Variants in NAALADL2 observed in about 807,000 individuals in gnomAD.
The protein encoded by NAALADL2 is N-acetylated alpha-linked acidic dipeptidase like 2, also known as inactive N-acetylated-alpha-linked acidic dipeptidase-like protein 2.
A neutral mutation model predicts 87.2 loss-of-function variants in NAALADL2; 76 were observed. The observed-to-expected ratio is 0.87, with a 90% CI of 0.72 to 1.05. The LOEUF is 1.05. Ranked by LOEUF, NAALADL2 falls within the 50% of genes least tolerant of loss-of-function variation. The probability of loss-of-function intolerance (pLI) is 0.00; values close to 1 mark genes in which losing one functional copy is unlikely to be tolerated. For synonymous variants in NAALADL2, 354 were observed against 331.0 expected (o/e 1.07, Z -0.75); for missense variants, 1,089 against 945.8 (o/e 1.15, Z -1.99).
At chr3:174,686,015 C>T (rs1560143950) in intron 2 of NAALADL2, among the ~76,000 whole-genome samples, 2 of 152,034 alleles carry the variant, frequency 1.3e-5, no homozygotes, top group African/African-American at 4.8e-5. Context: ...TTTTTCATGG[C>T]TGTATAGTAT....
In NAALADL2 at chr3:175,699,080, T is replaced by A. The variant is rs891250892; in HGVS notation, c.1897-38226T>A. ...ACTTTTCCTTTACATATTTAATTTT[T>A]AAAAATAATATATTTCTAACTATGT... On this transcript the variant is annotated intron_variant, in intron 11 of 13. Transcript: ENST00000454872. Among the ~76,000 whole-genome samples the A allele has an allele frequency of 5.3e-5, 8 of 151,956 alleles. No individual in the cohort carries two copies. The East Asian group carries it at 9.6e-4, about 18-fold the overall frequency.
At chr3:174,969,829 T>A (rs2108600485) in intron 1 of NAALADL2, among the ~76,000 whole-genome samples, 1 of 152,272 alleles carries the variant, frequency 6.6e-6, no homozygotes, top group South Asian at 2.1e-4. Context: ...CACCAATCAG[T>A]AGCAGAAGAC....
Position 175,049,407 on chromosome 3 carries a change from A to C in NAALADL2, c.44-47383A>C, listed in dbSNP as rs551547768. Among the ~76,000 whole-genome samples the C allele has an allele frequency of 6.6e-5, 10 of 152,308 alleles. No individual in the cohort carries two copies. In the South Asian group the frequency reaches 2.1e-3, roughly 32 times the overall value. Reference sequence around the variant, plus strand: ...GAAACCAGGGAAAGTAAAACCAGAGATAAGGAAGAGTTTTTGTAACAGAAA... The same window carrying C: ...GAAACCAGGGAAAGTAAAACCAGAGCTAAGGAAGAGTTTTTGTAACAGAAA... On this transcript the variant is annotated intron_variant, in intron 1 of 13. Transcript: ENST00000454872.
intron 9 of NAALADL2, among the ~76,000 whole-genome samples, chr3:175,511,109 A>G (rs1047642515): frequency 4.6e-5 from 7 of 152,186 alleles, no homozygotes; most frequent in African/African-American, 1.4e-4. Context: ...AGATAGTAAA[A>G]GTCAAATAGA....
chr3:175,223,130 GT>G (rs1743639382), intron 2 of NAALADL2, among the ~76,000 whole-genome samples: 1 of 149,790 alleles, frequency 6.7e-6, no homozygotes, highest in South Asian at 2.1e-4. Context: ...GTGTGTGTGT[GT>G]GGTAAGGACA....
At chr3:175,647,934 C>T (rs1730232192) in intron 11 of NAALADL2, among the ~76,000 whole-genome samples, 1 of 152,186 alleles carries the variant, frequency 6.6e-6, no homozygotes, top group Admixed American at 6.5e-5. Flanking sequence ...AAAGCAATTA[C>T]TTTACAAGGT....
chr3:175,236,146 C>T (rs1044443632), intron 3 of NAALADL2, among the ~76,000 whole-genome samples: 3 of 152,264 alleles, frequency 2.0e-5, no homozygotes, highest in African/African-American at 7.2e-5. Flanking sequence ...ATTTCTATGA[C>T]TCCTTTATAC....
intron 2 of NAALADL2, among the ~76,000 whole-genome samples, chr3:175,100,856 A>AAAAAAAAC (rs1560027199): frequency 6.6e-6 from 1 of 151,340 alleles, no homozygotes; most frequent in African/African-American, 2.4e-5. Context: ...AAAAAAAAAA[A>AAAAAAAAC]AAAAATTGCA....
At chr3:175,040,528 C>G (rs1396803884) in intron 1 of NAALADL2, among the ~76,000 whole-genome samples, 3 of 152,156 alleles carry the variant, frequency 2.0e-5, no homozygotes, top group Non-Finnish European at 4.4e-5. Flanking sequence ...GACTAATACC[C>G]AGAAGACTTG....
chr3:174,973,626 C>T (rs1384995474), intron 1 of NAALADL2, among the ~76,000 whole-genome samples: 1 of 152,086 alleles, frequency 6.6e-6, no homozygotes, highest in Non-Finnish European at 1.5e-5. Flanking sequence ...TAGGCAGTTC[C>T]GTCATTGTGC....
At chr3:174,745,954 C>A (rs1333963142) in intron 3 of NAALADL2, among the ~76,000 whole-genome samples, 1 of 152,152 alleles carries the variant, frequency 6.6e-6, no homozygotes, top group Non-Finnish European at 1.5e-5. Flanking sequence ...CCATTTATGA[C>A]AAACCCACAA....
intron 4 of NAALADL2, among the ~76,000 whole-genome samples, chr3:175,266,618 C>T (rs1428982330): frequency 6.6e-6 from 1 of 151,682 alleles, no homozygotes; most frequent in African/African-American, 2.4e-5. Context: ...AGATAAAATA[C>T]TCCTATTAAA....
At chr3:174,857,439 TA>T (rs1331014330), upstream of NAALADL2, among the ~76,000 whole-genome samples, 2 of 152,216 alleles carry the variant, frequency 1.3e-5, no homozygotes, top group Non-Finnish European at 2.9e-5. Context: ...ACTTTCATCG[TA>T]ATTTACCACA....
chr3:175,674,282 T>C (rs1734440637), intron 11 of NAALADL2, among the ~76,000 whole-genome samples: 1 of 151,588 alleles, frequency 6.6e-6, no homozygotes, highest in Non-Finnish European at 1.5e-5. Context: ...TTTTTTGAGT[T>C]GGAGTCTATC....
intron 9 of NAALADL2, among the ~76,000 whole-genome samples, chr3:175,549,337 A>G (rs904517354): frequency 2.0e-5 from 3 of 152,018 alleles, no homozygotes; most frequent in Non-Finnish European, 4.4e-5. Context: ...AATGAACATT[A>G]CAATTTATTC....
chr3:174,820,501 A>G (rs965919755), intron 3 of NAALADL2, among the ~76,000 whole-genome samples: 1 of 152,206 alleles, frequency 6.6e-6, no homozygotes, highest in African/African-American at 2.4e-5. Flanking sequence ...GAGTATATCT[A>G]TAAAAGCTCA....
chr3:174,711,240 T>C (rs1219254155), intron 2 of NAALADL2, among the ~76,000 whole-genome samples: 4 of 152,158 alleles, frequency 2.6e-5, no homozygotes, highest in Non-Finnish European at 4.4e-5. Flanking sequence ...GTCAAACTAA[T>C]GAGAAACCTG....
chr3:175,228,562 T>C (rs1041753710), intron 2 of NAALADL2, among the ~76,000 whole-genome samples: 4 of 151,320 alleles, frequency 2.6e-5, no homozygotes, highest in African/African-American at 4.8e-5. Context: ...ACCTAGAAAT[T>C]AGAAAATTTA....
chr3:174,741,085 A>G (rs927349960), intron 3 of NAALADL2, among the ~76,000 whole-genome samples: 32 of 151,786 alleles, frequency 2.1e-4, no homozygotes, highest in Admixed American at 6.6e-5. Flanking sequence ...TTCATATACA[A>G]TCTTACAGCA....
Sources: gnomAD v4.1 joint callset for allele counts (sites outside exome capture counted in the v4.1 genomes callset) on GRCh38, gnomAD v4.1.1 for gene constraint, MANE v1.5 for transcripts, NCBI Gene and HGNC (gene_info 2026-07-23, HGNC 2026-07-21) for gene names.